Variants in NUPR2 observed in about 807,000 individuals in gnomAD.
The protein encoded by NUPR2 is nuclear protein 2, transcriptional regulator.
A neutral mutation model predicts 7.3 loss-of-function variants in NUPR2; 14 were observed. The ratio of observed to expected loss-of-function variants is 1.93; its 90% confidence interval spans 1.27 to 3.01. The LOEUF (loss-of-function observed/expected upper bound fraction) is 3.01, where lower values mean the gene tolerates loss of function less well. Among genes scored for constraint, NUPR2 ranks in the 30% most tolerant of loss-of-function variants. The pLI is 0.00. For missense variants in NUPR2, 162 were observed against 143.7 expected (o/e 1.13, Z -0.65); for synonymous variants, 56 against 59.7 (o/e 0.94, Z 0.29).
At chr7:56,115,428 TTTGTGTGTGTGTGTGTGTGTGTGTGTG>T (rs1785529092) in intron 1 of NUPR2, among the ~76,000 whole-genome samples, 1 of 45,932 alleles carries the variant, frequency 2.2e-5, no homozygotes, top group South Asian at 6.6e-4. Context: ...TATATATATA[TTTGTGTGTGTGTGTGTGTGTGTGTGTG>T]TGTGTGTGTG....
At position 56,116,320 on chromosome 7, in the gene NUPR2, C is replaced by T. The variant is rs1203152378; in HGVS notation, c.-6G>A. ...CGCTCTGCGGGCGCTTCCATCCTGC[C>T]CAGGCCTGTGGCCACCGGCGGCCAC... On this transcript the variant is annotated 5_prime_UTR_variant, in exon 1 of 2. Coordinates refer to ENST00000329309, the MANE Select transcript of NUPR2 (RefSeq NM_001145712.2). The T allele has an allele frequency of 7.2e-7, 1 of 1,389,610 alleles. No individual in the cohort carries two copies. The highest frequency in any genetic ancestry group is 3.8e-5 in the Admixed American group (1 of 26,574). 86.1% of individuals were successfully genotyped at this position (1,389,610 alleles called of 1,614,324 possible). A position where few individuals can be genotyped will look rare whatever the true frequency, so the allele number is the denominator to read the frequency against.
At chr7:56,115,429 T>TACA (rs1554376538) in intron 1 of NUPR2, among the ~76,000 whole-genome samples, 1 of 30,988 alleles carries the variant, frequency 3.2e-5, no homozygotes, top group Non-Finnish European at 5.4e-5. Context: ...ATATATATAT[T>TACA]TGTGTGTGTG....
chr7:56,115,451 G>GTATATATATATATATA (rs1562891915), intron 1 of NUPR2, among the ~76,000 whole-genome samples: 3 of 36,788 alleles, frequency 8.2e-5, no homozygotes, highest in South Asian at 8.0e-4. Context: ...GTGTGTGTGT[G>GTATATATATATATATA]TGTGTGTGTG....
At position 56,116,057 on chromosome 7, in the gene NUPR2, G is replaced by T; in HGVS notation, c.258C>A (p.Arg86=). The change falls in exon 1 of 2, where the codon CGC becomes CGA. Residue 86 remains arginine, a synonymous_variant. Coordinates refer to ENST00000329309, the MANE Select transcript of NUPR2 (RefSeq NM_001145712.2). ...GAGTGCGCATCTTGGGATGCAGCTGGCGCTGGCGGCGCTTGCGCTGGCCAT... is the reference window on the plus strand; with the variant it reads ...GAGTGCGCATCTTGGGATGCAGCTGTCGCTGGCGGCGCTTGCGCTGGCCAT... ...LLNGQRKRRQ[R]QLHPKMRTRL... The T allele has an allele frequency of 6.7e-7, 1 of 1,498,028 alleles. No homozygotes were observed. Among genetic ancestry groups the T allele is most frequent in the Non-Finnish European group, 8.9e-7 (1 of 1,125,680 alleles). 92.8% of individuals were successfully genotyped at this position (1,498,028 alleles called of 1,614,324 possible).
At position 56,115,403 on chromosome 7, in the gene NUPR2, A is replaced by ATG. The variant is rs1562891737; in HGVS notation, c.*7-507_*7-506insCA. 2.4e-3 allele frequency among the ~76,000 whole-genome samples: 45 copies of ATG among 19,106 alleles called. 2 individuals are homozygous for ATG. The highest frequency in any genetic ancestry group is 0.014 in the African/African-American group (30 of 2,100). 12.5% of individuals were successfully genotyped at this position (19,106 alleles called of 152,430 possible). A position where few individuals can be genotyped will look rare whatever the true frequency, so the allele number is the denominator to read the frequency against. The stretch of plus-strand genomic sequence containing the variant: ...CTCCCGGGCTCGATCGCATATATAT[A>ATG]TATATATATATATATATATATATAT... On this transcript the variant is annotated intron_variant, in intron 1 of 1. Coordinates refer to ENST00000329309, the MANE Select transcript of NUPR2 (RefSeq NM_001145712.2).
chr7:56,115,451 G>T (rs1446898024), intron 1 of NUPR2, among the ~76,000 whole-genome samples: 2 of 36,804 alleles, frequency 5.4e-5, no homozygotes, highest in Admixed American at 3.1e-4. Flanking sequence ...GTGTGTGTGT[G>T]TGTGTGTGTG....
In NUPR2 at chr7:56,115,429, T is replaced by TATATA. The variant is rs1554376538; in HGVS notation, c.*7-533_*7-532insTATAT. Among the ~76,000 whole-genome samples the TATATA allele has an allele frequency of 9.0e-4, 28 of 30,996 alleles. 1 individual carries two copies. Among genetic ancestry groups the TATATA allele is most frequent in the East Asian group, 1.7e-3 (1 of 594 alleles). 20.3% of individuals were successfully genotyped at this position (30,996 alleles called of 152,430 possible). On this transcript the variant is annotated intron_variant, in intron 1 of 1. Coordinates refer to ENST00000329309, the MANE Select transcript of NUPR2 (RefSeq NM_001145712.2). ...TATATATATATATATATATATATAT[T>TATATA]TGTGTGTGTGTGTGTGTGTGTGTGT... is the stretch of plus-strand genomic sequence containing the variant.
rs895757221 is a variant in NUPR2 at position 56,114,858 on chromosome 7, T to G, written c.*46A>C. Reference sequence around the variant, plus strand: ...CTCCTCCTCAGAACCAAGTTACAGTTGGAGTTACAGTAAATACTTCGAACA... The same window carrying G: ...CTCCTCCTCAGAACCAAGTTACAGTGGGAGTTACAGTAAATACTTCGAACA... On this transcript the variant is annotated 3_prime_UTR_variant, in exon 2 of 2. Coordinates refer to ENST00000329309, the MANE Select transcript of NUPR2 (RefSeq NM_001145712.2). The G allele has an allele frequency of 1.3e-5, 2 of 152,236 alleles. No individual in the cohort carries two copies. The highest frequency in any genetic ancestry group is 4.8e-5 in the African/African-American group (2 of 41,456). 9.4% of individuals were successfully genotyped at this position (152,236 alleles called of 1,614,324 possible). A position where few individuals can be genotyped will look rare whatever the true frequency, so the allele number is the denominator to read the frequency against.
chr7:56,115,434 T>TATATATATATAC (rs1562891885), intron 1 of NUPR2, among the ~76,000 whole-genome samples: 8 of 31,808 alleles, frequency 2.5e-4, no homozygotes, highest in African/African-American at 9.3e-4. Context: ...TATATTTGTG[T>TATATATATATAC]GTGTGTGTGT....
chr7:56,115,097 A>G lies in NUPR2; in HGVS notation c.*7-200T>C, dbSNP rs538538814. Among the ~76,000 whole-genome samples the G allele has an allele frequency of 1.1e-4, 16 of 151,950 alleles. No individual in the cohort carries two copies. In the East Asian group the frequency reaches 3.1e-3, roughly 30 times the overall value. On this transcript the variant is annotated intron_variant, in intron 1 of 1. Transcript: ENST00000329309. The stretch of plus-strand genomic sequence containing the variant: ...ACTACAAGCACGCGCCACCACGCCC[A>G]GCTTATTTTTTGTATTTTTATAGCG...
rs1247765956 is a variant in NUPR2, at chr7:56,114,738, G to A, written c.*166C>T. ...ACTCTAAAAAGGCTAATCCACTTGG[G>A]CACTACTTAATTAACAATCAATTAG... On this transcript the variant is annotated 3_prime_UTR_variant, in exon 2 of 2. Coordinates refer to ENST00000329309, the MANE Select transcript of NUPR2 (RefSeq NM_001145712.2). 1 of 151,824 alleles carries A rather than the reference G, an allele frequency of 6.6e-6. No homozygotes were observed. Among genetic ancestry groups the A allele is most frequent in the Non-Finnish European group, 1.5e-5 (1 of 67,962 alleles). The allele number at this position is 151,824 out of a possible 1,614,324, so 9.4% of individuals were successfully genotyped here. A position where few individuals can be genotyped will look rare whatever the true frequency, so the allele number is the denominator to read the frequency against.
rs1785513269 is a variant in NUPR2 at position 56,114,867 on chromosome 7, A to G, written c.*37T>C. ...AGAACCAAGTTACAGTTGGAGTTAC[A>G]GTAAATACTTCGAACAGGTCCTTCG... On this transcript the variant is annotated 3_prime_UTR_variant, in exon 2 of 2. Transcript: ENST00000329309. 1 of 152,252 alleles carries G rather than the reference A, an allele frequency of 6.6e-6. No homozygotes were observed. The highest frequency in any genetic ancestry group is 6.5e-5 in the Admixed American group (1 of 15,280). 9.4% of individuals were successfully genotyped at this position (152,252 alleles called of 1,614,324 possible).
At chr7:56,115,519 G>C (rs955562221) in intron 1 of NUPR2, among the ~76,000 whole-genome samples, 4 of 136,336 alleles carry the variant, frequency 2.9e-5, no homozygotes, top group Non-Finnish European at 6.2e-5. Context: ...GCAGTGGCAC[G>C]ATCTCGGCTA....
At position 56,116,299 on chromosome 7, in the gene NUPR2, C is replaced by CGCAG; in HGVS notation, c.15_16insCTGC (p.Glu6LeufsTer108). 5 of 1,453,012 alleles carry CGCAG rather than the reference C, an allele frequency of 3.4e-6. No homozygotes were observed. The highest frequency in any genetic ancestry group is 4.5e-6 in the Non-Finnish European group (5 of 1,108,472). The allele number at this position is 1,453,012 out of a possible 1,614,324, so 90.0% of individuals were successfully genotyped here. A position where few individuals can be genotyped will look rare whatever the true frequency, so the allele number is the denominator to read the frequency against. ...GCCTGCAGACGTGGAAGCGCCCGCTCTGCGGGCGCTTCCATCCTGCCCAGG... is the reference window on the plus strand; with the variant it reads ...GCCTGCAGACGTGGAAGCGCCCGCTCGCAGTGCGGGCGCTTCCATCCTGCCCAGG... On this transcript the variant is annotated frameshift_variant, in exon 1 of 2. Coordinates refer to ENST00000329309, the MANE Select transcript of NUPR2 (RefSeq NM_001145712.2). LOFTEE classifies it high-confidence loss of function.
At chr7:56,115,657 A>G (rs1460105155) in intron 1 of NUPR2, among the ~76,000 whole-genome samples, 1 of 142,104 alleles carries the variant, frequency 7.0e-6, no homozygotes, top group Non-Finnish European at 1.5e-5. Context: ...ATTTTAGTAG[A>G]GACGGGGTTT....
rs1231425083 is a variant in NUPR2 at position 56,116,046 on chromosome 7, G to A, written c.269C>T (p.Pro90Leu). 2.7e-6 allele frequency: 4 copies of A among 1,492,378 alleles called. No individual in the cohort carries two copies. Among genetic ancestry groups the A allele is most frequent in the Admixed American group, 2.2e-5 (1 of 45,980 alleles). The allele number at this position is 1,492,378 out of a possible 1,614,324, so 92.4% of individuals were successfully genotyped here. A position where few individuals can be genotyped will look rare whatever the true frequency, so the allele number is the denominator to read the frequency against. ...QRKRRQRQLH[P>L]KMRTRLT The stretch of plus-strand genomic sequence containing the variant: ...TCAGGTGAGGCGAGTGCGCATCTTG[G>A]GATGCAGCTGGCGCTGGCGGCGCTT... Residue 90 changes from proline (P) to leucine (L), a missense_variant, in exon 1 of 2, where the codon CCC (proline) becomes CTC (leucine). Transcript: ENST00000329309.
intron 1 of NUPR2, 37 bp downstream of exon 1, chr7:56,115,978 C>A: frequency 7.1e-7 from 1 of 1,414,188 alleles, no homozygotes; most frequent in African/African-American, 1.5e-5. Context: ...CTAGGGTCCC[C>A]GGGGCACTGG....
chr7:56,115,004 T>C (rs1395902976), intron 1 of NUPR2, 107 bp from the exon 2 acceptor site: 1 of 151,592 alleles, frequency 6.6e-6, no homozygotes, highest in African/African-American at 2.4e-5. Context: ...GGGGCGATCA[T>C]GGCTCACTGC....
intron 1 of NUPR2, among the ~76,000 whole-genome samples, chr7:56,115,590 G>C (rs1215126068): frequency 7.5e-6 from 1 of 133,628 alleles, no homozygotes; most frequent in African/African-American, 2.9e-5. Flanking sequence ...CAAGTAGCTG[G>C]GACTACAGGC....
Sources: gnomAD v4.1 joint callset for allele counts (sites outside exome capture counted in the v4.1 genomes callset) on GRCh38, gnomAD v4.1.1 for gene constraint, MANE v1.5 for transcripts, NCBI Gene and HGNC (gene_info 2026-07-23, HGNC 2026-07-21) for gene names.